The following TACR3 variants were observed in gnomAD, a reference collection of about 807,000 sequenced individuals.
The protein encoded by TACR3 is tachykinin receptor 3, also known as neuromedin-K receptor.
In TACR3, 34 loss-of-function variants were observed where a neutral mutation model predicts 35.0. The ratio of observed to expected loss-of-function variants is 0.97; its 90% confidence interval spans 0.74 to 1.30. The LOEUF is 1.30. TACR3 is among the 50% of genes most tolerant of loss of function. The pLI is 0.00. For missense variants in TACR3, 558 were observed against 591.7 expected (o/e 0.94, Z 0.59); for synonymous variants, 233 against 221.1 (o/e 1.05, Z -0.48).
chr4:103,608,449 G>A (rs1048845992), intron 3 of TACR3, among the ~76,000 whole-genome samples: 1 of 151,974 alleles, frequency 6.6e-6, no homozygotes, highest in African/African-American at 2.4e-5. Flanking sequence ...CTACCTATTG[G>A]GTCCTGTGCT....
At chr4:103,699,567 A>G (rs1370741404) in intron 1 of TACR3, among the ~76,000 whole-genome samples, 1 of 152,200 alleles carries the variant, frequency 6.6e-6, no homozygotes. Flanking sequence ...AACAGGAGTA[A>G]GGGTAAGAAA....
chr4:103,716,285 C>T (rs577435360), intron 1 of TACR3, among the ~76,000 whole-genome samples: 1 of 148,406 alleles, frequency 6.7e-6, no homozygotes, highest in South Asian at 2.1e-4. Flanking sequence ...GAGACAGGTA[C>T]TGGTAGTGGT....
intron 3 of TACR3, among the ~76,000 whole-genome samples, chr4:103,643,631 C>T (rs1725402425): frequency 6.6e-6 from 1 of 151,724 alleles, no homozygotes; most frequent in South Asian, 2.1e-4. Context: ...ACAATTTCTA[C>T]CAGGCCTCAC....
chr4:103,709,899 A>C (rs1390381843), intron 1 of TACR3, among the ~76,000 whole-genome samples: 1 of 152,212 alleles, frequency 6.6e-6, no homozygotes, highest in Non-Finnish European at 1.5e-5. Flanking sequence ...ACAAAGATCA[A>C]AAGTGACAAA....
At chr4:103,674,715 C>T (rs1726129326) in intron 1 of TACR3, among the ~76,000 whole-genome samples, 1 of 152,120 alleles carries the variant, frequency 6.6e-6, no homozygotes, top group Non-Finnish European at 1.5e-5. Flanking sequence ...CCACGCCTGG[C>T]TAATTTTTGT....
At chr4:103,682,842 T>C (rs1464358625) in intron 1 of TACR3, among the ~76,000 whole-genome samples, 1 of 152,100 alleles carries the variant, frequency 6.6e-6, no homozygotes, top group Non-Finnish European at 1.5e-5. Context: ...TGGGAGATTG[T>C]TGTGTGTGTG....
intron 3 of TACR3, among the ~76,000 whole-genome samples, chr4:103,617,805 G>A (rs1222900790): frequency 6.6e-6 from 1 of 152,138 alleles, no homozygotes; most frequent in Non-Finnish European, 1.5e-5. Context: ...CATATTAAAT[G>A]TAAACTTTCA....
At chr4:103,645,837 C>A (rs578073888) in intron 3 of TACR3, among the ~76,000 whole-genome samples, 1 of 151,906 alleles carries the variant, frequency 6.6e-6, no homozygotes, top group East Asian at 1.9e-4. Context: ...TAAACCTCCA[C>A]AATTTTCAGC....
In TACR3 at chr4:103,647,097, G is replaced by T. The variant is rs965551871; in HGVS notation, c.888+9097C>A. Among the ~76,000 whole-genome samples, 4 of 151,886 alleles carry T rather than the reference G, an allele frequency of 2.6e-5. No individual in the cohort carries two copies. In the South Asian group the frequency reaches 6.2e-4, roughly 24 times the overall value. On this transcript the variant is annotated intron_variant, in intron 3 of 4. Coordinates refer to ENST00000304883, the MANE Select transcript of TACR3 (RefSeq NM_001059.3). ...GATTCTTATCAGATCTATCATTCTAGAATAGTTTTTTACAACTGCAAGTGT... is the reference window on the plus strand; with the variant it reads ...GATTCTTATCAGATCTATCATTCTATAATAGTTTTTTACAACTGCAAGTGT...
intron 3 of TACR3, among the ~76,000 whole-genome samples, chr4:103,652,143 C>T (rs576200952): frequency 3.9e-5 from 6 of 152,044 alleles, no homozygotes; most frequent in Non-Finnish European, 5.9e-5. Flanking sequence ...TTGTGAGCCC[C>T]GCACAGCACT....
At position 103,588,424 on chromosome 4, in the gene TACR3, G is replaced by A. The variant is rs186077032; in HGVS notation, c.*1258C>T. ...CTTTTTACACTTAAAAGTATTTCTTGTTATGTTATGAGTCTCAGAAATGTG... is the reference window on the plus strand; with the variant it reads ...CTTTTTACACTTAAAAGTATTTCTTATTATGTTATGAGTCTCAGAAATGTG... On this transcript the variant is annotated 3_prime_UTR_variant, in exon 5 of 5. Coordinates refer to ENST00000304883, the MANE Select transcript of TACR3 (RefSeq NM_001059.3). 5.3e-5 allele frequency: 8 copies of A among 152,124 alleles called. No homozygotes were observed. Among genetic ancestry groups the A allele is most frequent in the Admixed American group, 1.3e-4 (2 of 15,260 alleles). 9.4% of individuals were successfully genotyped at this position (152,124 alleles called of 1,614,324 possible). A position where few individuals can be genotyped will look rare whatever the true frequency, so the allele number is the denominator to read the frequency against.
In TACR3 at chr4:103,641,512, T is replaced by C. The variant is rs114333399; in HGVS notation, c.888+14682A>G. Among the ~76,000 whole-genome samples the C allele has an allele frequency of 7.7e-4, 117 of 152,088 alleles. 1 individual carries two copies. The highest frequency in any genetic ancestry group is 1.4e-3 in the Non-Finnish European group (97 of 67,946). ...GTGGAGAAAAGGGAACCCTTCCTTG[T>C]ACACTGTTGTTGGGAATGTAAATTA... On this transcript the variant is annotated intron_variant, in intron 3 of 4. Transcript: ENST00000304883.
In TACR3 at chr4:103,590,755, G is replaced by A. The variant is rs149411487; in HGVS notation, c.1085+732C>T. On this transcript the variant is annotated intron_variant, in intron 4 of 4. Transcript: ENST00000304883. ...CATTGGTTTATTACAGGACTTACGA[G>A]CCCTATGAAATTTAACCCTATCCCT... Among the ~76,000 whole-genome samples the A allele has an allele frequency of 3.7e-3, 556 of 152,250 alleles. 1 individual carries two copies. Among genetic ancestry groups the A allele is most frequent in the Non-Finnish European group, 5.9e-3 (398 of 68,016 alleles).
intron 3 of TACR3, among the ~76,000 whole-genome samples, chr4:103,643,455 G>T (rs1289622347): frequency 1.3e-5 from 2 of 148,432 alleles, no homozygotes; most frequent in Non-Finnish European, 3.0e-5. Flanking sequence ...GAGAGAGAGA[G>T]ATACAGATTG....
intron 3 of TACR3, among the ~76,000 whole-genome samples, chr4:103,621,998 G>A (rs1724792606): frequency 6.6e-6 from 1 of 152,190 alleles, no homozygotes; most frequent in Non-Finnish European, 1.5e-5. Context: ...TAGCATTTAA[G>A]TGGTTGTTAG....
intron 1 of TACR3, among the ~76,000 whole-genome samples, chr4:103,702,174 A>G (rs939039013): frequency 6.6e-6 from 1 of 152,240 alleles, no homozygotes; most frequent in Non-Finnish European, 1.5e-5. Flanking sequence ...TAATATCCAG[A>G]ATCTACAATG....
intron 3 of TACR3, among the ~76,000 whole-genome samples, chr4:103,615,833 A>G (rs1329240389): frequency 6.6e-6 from 1 of 151,646 alleles, no homozygotes; most frequent in Admixed American, 6.6e-5. Context: ...AAATCTCGGT[A>G]TATTTTTTTG....
intron 3 of TACR3, among the ~76,000 whole-genome samples, chr4:103,598,231 T>G (rs1724090016): frequency 1.3e-5 from 2 of 152,340 alleles, no homozygotes; most frequent in South Asian, 4.1e-4. Flanking sequence ...TCATGTGTTT[T>G]TCGGCTGCAT....
intron 3 of TACR3, among the ~76,000 whole-genome samples, chr4:103,634,801 C>G (rs1446467609): frequency 6.6e-6 from 1 of 152,096 alleles, no homozygotes; most frequent in East Asian, 1.9e-4. Context: ...TTACCCAACT[C>G]TGGTGATTAT....
Sources: gnomAD v4.1 joint callset for allele counts (sites outside exome capture counted in the v4.1 genomes callset) on GRCh38, gnomAD v4.1.1 for gene constraint, MANE v1.5 for transcripts, NCBI Gene and HGNC (gene_info 2026-07-23, HGNC 2026-07-21) for gene names.